The following ZNF83 variants were observed in gnomAD, a reference collection of about 807,000 sequenced individuals.
ZNF83 encodes the protein zinc finger protein 816B.
For missense variants in ZNF83, 552 were observed against 629.9 expected (o/e 0.88, Z 1.32); for synonymous variants, 209 against 213.0 (o/e 0.98, Z 0.17).
At chr19:52,613,026 G>A in exon 3 of ZNF83, 1 of 1,596,830 alleles carries the variant, frequency 6.3e-7, no homozygotes, top group Non-Finnish European at 8.5e-7. Context: ...AATTACATGT[G>A]TTAGATTTCT....
chr19:52,689,502 CCCT>C (rs1168824249), intron 1 of ZNF83, among the ~76,000 whole-genome samples: 1 of 152,124 alleles, frequency 6.6e-6, no homozygotes, highest in Non-Finnish European at 1.5e-5. Context: ...GGCTCCAAAT[CCCT>C]CCTCCTCTCC....
upstream of ZNF83, among the ~76,000 whole-genome samples, chr19:52,641,144 G>A (rs1371324055): frequency 6.7e-6 from 1 of 149,832 alleles, no homozygotes; most frequent in Non-Finnish European, 1.5e-5. Flanking sequence ...GCCCCCAGGC[G>A]GCCTCCTCCC....
At chr19:52,680,572 C>T (rs2061890396) in intron 1 of ZNF83, among the ~76,000 whole-genome samples, 1 of 151,354 alleles carries the variant, frequency 6.6e-6, no homozygotes, top group Admixed American at 6.6e-5. Flanking sequence ...ATTTTTTCTC[C>T]ACAGTTGTGT....
chr19:52,636,503 A>C (rs1352728914), intron 1 of ZNF83: 1 of 152,182 alleles, frequency 6.6e-6, no homozygotes, highest in African/African-American at 2.4e-5. Flanking sequence ...CATTCATAGA[A>C]TGTACATGTC....
intron 1 of ZNF83, among the ~76,000 whole-genome samples, chr19:52,684,975 C>T (rs991158544): frequency 2.0e-5 from 3 of 152,154 alleles, no homozygotes; most frequent in African/African-American, 7.2e-5. Flanking sequence ...ACATGACCTG[C>T]TTTAGATTTG....
At chr19:52,686,607 TATGCC>T (rs1228572961) in intron 1 of ZNF83, among the ~76,000 whole-genome samples, 1 of 152,086 alleles carries the variant, frequency 6.6e-6, no homozygotes, top group East Asian at 1.9e-4. Flanking sequence ...GGAGACTCGC[TATGCC>T]ACCCAGGCTG....
chr19:52,688,524 A>C (rs2062086348), intron 1 of ZNF83, among the ~76,000 whole-genome samples: 8 of 146,920 alleles, frequency 5.4e-5, no homozygotes, highest in South Asian at 2.2e-4. Context: ...CGTATCTCTC[A>C]TTCTCCCCTT....
Position 52,679,220 on chromosome 19 carries a change from T to C in ZNF83, c.-283+11223A>G, listed in dbSNP as rs116268706. 3.2e-3 allele frequency among the ~76,000 whole-genome samples: 493 copies of C among 152,320 alleles called. 4 individuals carry two copies. Among genetic ancestry groups the C allele is most frequent in the African/African-American group, 0.011 (471 of 41,570 alleles). On this transcript the variant is annotated intron_variant, in intron 1 of 5. Transcript: ENST00000594682. ...AATGACATCCTCAGTAGGAGGAATT[T>C]TAACACCACTGACTGCTGCTTAGAG...
chr19:52,639,422 T>TCTTTTC (rs201064497), upstream of ZNF83, among the ~76,000 whole-genome samples: 64 of 140,014 alleles, frequency 4.6e-4, no homozygotes, highest in African/African-American at 2.1e-4. Flanking sequence ...TCTATTTTTT[T>TCTTTTC]TTTTTTTTTT....
chr19:52,666,493 C>T (rs1369281538), intron 1 of ZNF83, among the ~76,000 whole-genome samples: 1 of 151,904 alleles, frequency 6.6e-6, no homozygotes, highest in Non-Finnish European at 1.5e-5. Context: ...CCCAGTAAAC[C>T]GCGGATGGCC....
At chr19:52,638,868 G>A (rs1386408238), upstream of ZNF83, among the ~76,000 whole-genome samples, 1 of 152,172 alleles carries the variant, frequency 6.6e-6, no homozygotes, top group African/African-American at 2.4e-5. Context: ...GTGGGAGCCT[G>A]AGGTCCCAGC....
At chr19:52,645,195 A>G (rs2061356820) in intron 3 of ZNF83, among the ~76,000 whole-genome samples, 1 of 152,164 alleles carries the variant, frequency 6.6e-6, no homozygotes, top group South Asian at 2.1e-4. Context: ...CTAACTGGTT[A>G]AACTACACTT....
exon 1 of ZNF83, chr19:52,690,458 G>A (rs1213937797): frequency 5.3e-6 from 1 of 188,994 alleles, no homozygotes; most frequent in Admixed American, 5.6e-5. Context: ...CGGTGTGACC[G>A]TCACTCCACG....
At chr19:52,653,941 A>G in intron 3 of ZNF83, 11 of 1,154,068 alleles carry the variant, frequency 9.5e-6, no homozygotes, top group Non-Finnish European at 1.4e-5. Flanking sequence ...GATTTGTGTC[A>G]ATAATGAAGA....
upstream of ZNF83, among the ~76,000 whole-genome samples, chr19:52,639,741 C>G (rs484919): frequency 0.51 from 77,627 of 151,806 alleles, 20,732 homozygotes; most frequent in East Asian, 0.7. Context: ...TTTCTTTACT[C>G]TTTAAATTTT....
intron 2 of ZNF83, among the ~76,000 whole-genome samples, chr19:52,631,439 A>G (rs1318133150): frequency 1.3e-5 from 2 of 152,142 alleles, no homozygotes; most frequent in Non-Finnish European, 2.9e-5. Context: ...CTGCCGCCCT[A>G]ATACTTTTAG....
chr19:52,629,261 A>G (rs2060861032), intron 2 of ZNF83, among the ~76,000 whole-genome samples: 1 of 152,216 alleles, frequency 6.6e-6, no homozygotes, highest in African/African-American at 2.4e-5. Flanking sequence ...AAACGGTCTG[A>G]GGTGCCTGAC....
At position 52,618,909 on chromosome 19, in the gene ZNF83, C is replaced by A; in HGVS notation, c.-233-4112G>T. Reference sequence around the variant, plus strand: ...TGCAAAGATACACAAGGGAACATCCCCACTTCTGGAGGGAAGTTATCCTCA... The same window carrying A: ...TGCAAAGATACACAAGGGAACATCCACACTTCTGGAGGGAAGTTATCCTCA... On this transcript the variant is annotated intron_variant, in intron 2 of 2. Transcript: ENST00000301096. 3 of 1,544,816 alleles carry A rather than the reference C, an allele frequency of 1.9e-6. 1 individual carries two copies. The South Asian group carries it at 3.4e-5, about 18-fold the overall frequency.
At chr19:52,679,779 T>G (rs547982237) in intron 1 of ZNF83, among the ~76,000 whole-genome samples, 1 of 152,298 alleles carries the variant, frequency 6.6e-6, no homozygotes, top group South Asian at 2.1e-4. Context: ...GTGTTCTTCA[T>G]GAATTTTCTG....
Sources: allele counts gnomAD v4.1 joint callset (sites outside exome capture counted in the v4.1 genomes callset), GRCh38; gene constraint gnomAD v4.1.1; transcripts MANE v1.5; gene names NCBI Gene and HGNC (gene_info 2026-07-23, HGNC 2026-07-21).